The following KIFC3 variants were observed in gnomAD, a reference collection of about 807,000 sequenced individuals.
KIFC3 encodes the protein kinesin family member C3.
In KIFC3, 60 loss-of-function variants were observed where a neutral mutation model predicts 101.8. The observed-to-expected ratio is 0.59, with a 90% confidence interval of 0.48 to 0.73. KIFC3 has a LOEUF of 0.73. Ranked by LOEUF, KIFC3 falls within the 30% of genes least tolerant of loss-of-function variation. The probability of loss-of-function intolerance (pLI) is 0.00; values close to 1 mark genes in which losing one functional copy is unlikely to be tolerated. For synonymous variants in KIFC3, 476 were observed against 482.7 expected (o/e 0.99, Z 0.18); for missense variants, 966 against 1,137.1 (o/e 0.85, Z 2.16).
At chr16:57,795,776 G>A (rs1269181856) in intron 2 of KIFC3, among the ~76,000 whole-genome samples, 4 of 152,124 alleles carry the variant, frequency 2.6e-5, no homozygotes. Flanking sequence ...CGAGTCATGA[G>A]GCACACTGCA....
chr16:57,826,631 C>G (rs1248793228), intron 1 of KIFC3, among the ~76,000 whole-genome samples: 1 of 152,172 alleles, frequency 6.6e-6, no homozygotes, highest in Non-Finnish European at 1.5e-5. Flanking sequence ...GAGGGAGGCT[C>G]ATAGATGGCA....
intron 1 of KIFC3, among the ~76,000 whole-genome samples, chr16:57,859,282 C>G (rs2056243712): frequency 6.6e-6 from 1 of 152,178 alleles, no homozygotes; most frequent in Non-Finnish European, 1.5e-5. Context: ...GAGACACAAG[C>G]CTTTCCAGAA....
chr16:57,767,074 C>T (rs923622005), intron 9 of KIFC3, 89 bp from the exon 10 acceptor site: 4 of 997,682 alleles, frequency 4.0e-6, no homozygotes, highest in Non-Finnish European at 6.2e-6. Context: ...CTCACTGCCT[C>T]CTGCCCCTGG....
chr16:57,769,675 T>C lies in KIFC3; in HGVS notation c.1138A>G (p.Asn380Asp), dbSNP rs1289415214. ...TGCCGCTTGAGCCCATTGTAGTCGTTGGTGAGGGTCCGCAGTGCCGGCTGC... is the reference window on the plus strand; with the variant it reads ...TGCCGCTTGAGCCCATTGTAGTCGTCGGTGAGGGTCCGCAGTGCCGGCTGC... ...TLQPALRTLTNDYNGLKRQVR... is the reference protein window; with the variant it reads ...TLQPALRTLTDDYNGLKRQVR... Residue 380 changes from asparagine (N) to aspartate (D), a missense_variant, in exon 9 of 20, where the codon AAC (asparagine) becomes GAC (aspartate). Coordinates refer to ENST00000445690, the MANE Select transcript of KIFC3 (RefSeq NM_001130100.2). The surrounding 1 kb of genome is among the most constrained non-coding windows in gnomAD (Gnocchi z 4.3). The C allele has an allele frequency of 1.2e-6, 2 of 1,612,314 alleles. No homozygotes were observed. The highest frequency in any genetic ancestry group is 1.7e-6 in the Non-Finnish European group (2 of 1,179,982).
chr16:57,821,402 A>G (rs1598206437), intron 1 of KIFC3, among the ~76,000 whole-genome samples: 2 of 152,100 alleles, frequency 1.3e-5, no homozygotes, highest in Non-Finnish European at 2.9e-5. Flanking sequence ...AAACCAGGTA[A>G]CTCTCTGCTG....
chr16:57,827,474 G>A (rs2055482943), intron 1 of KIFC3, among the ~76,000 whole-genome samples: 1 of 152,218 alleles, frequency 6.6e-6, no homozygotes, highest in South Asian at 2.1e-4. Flanking sequence ...CCCATGCCTG[G>A]CACAGAGGAG....
chr16:57,837,554 G>GAAGAAAAAGAAAGAAAGAAAGA (rs2055717722), intron 1 of KIFC3, among the ~76,000 whole-genome samples: 5 of 99,916 alleles, frequency 5.0e-5, no homozygotes, highest in African/African-American at 1.7e-4. Flanking sequence ...AGGAAGGAAG[G>GAAGAAAAAGAAAGAAAGAAAGA]AAGAAAGAAA....
In KIFC3 at chr16:57,758,889, C is replaced by T; in HGVS notation, c.*45G>A. On this transcript the variant is annotated 3_prime_UTR_variant, in exon 20 of 20. Coordinates refer to ENST00000445690, the MANE Select transcript of KIFC3 (RefSeq NM_001130100.2). The stretch of plus-strand genomic sequence containing the variant: ...GCCCAGCGGGGTCACATCCGTCACA[C>T]AGGCAGTGGCCGCGACTTCCCTGCA... The T allele has an allele frequency of 6.3e-7, 1 of 1,590,722 alleles. No homozygotes were observed. Among genetic ancestry groups the T allele is most frequent in the Non-Finnish European group, 8.6e-7 (1 of 1,167,756 alleles).
intron 2 of KIFC3, among the ~76,000 whole-genome samples, chr16:57,796,290 G>A (rs1363873143): frequency 2.6e-5 from 4 of 152,194 alleles, no homozygotes; most frequent in African/African-American, 9.7e-5. Context: ...TACACGTGGT[G>A]CCCATGTAGT....
At chr16:57,818,496 C>T (rs115903935) in intron 1 of KIFC3, among the ~76,000 whole-genome samples, 2 of 152,098 alleles carry the variant, frequency 1.3e-5, no homozygotes, top group African/African-American at 2.4e-5. Flanking sequence ...TCTCCAATAG[C>T]GGGGATTATA....
In KIFC3 at chr16:57,842,389, A is replaced by T. The variant is rs117149374; in HGVS notation, c.108+20340T>A. Reference sequence around the variant, plus strand: ...TCACTGCATATTTATGGAGTGAAGAAATCAATCCATCAAGTAGAACTGGGT... The same window carrying T: ...TCACTGCATATTTATGGAGTGAAGATATCAATCCATCAAGTAGAACTGGGT... On this transcript the variant is annotated intron_variant, in intron 1 of 2. Coordinates refer to the KIFC3 transcript ENST00000563028. Among the ~76,000 whole-genome samples, 1,458 of 152,204 alleles carry T rather than the reference A, an allele frequency of 9.6e-3. 8 individuals are homozygous for T. The highest frequency in any genetic ancestry group is 0.014 in the Middle Eastern group (4 of 294).
chr16:57,814,035 C>A, intron 1 of KIFC3: 1 of 183,236 alleles, frequency 5.5e-6, no homozygotes, highest in Non-Finnish European at 1.0e-5. Flanking sequence ...CACTGCACCA[C>A]ACTGCCTCTC....
At chr16:57,778,062 C>T (rs911304264) in intron 3 of KIFC3, among the ~76,000 whole-genome samples, 2 of 152,140 alleles carry the variant, frequency 1.3e-5, no homozygotes, top group South Asian at 2.1e-4. Context: ...GAGGAGTGCT[C>T]GAGCCCAGGA....
chr16:57,794,464 G>A (rs894110479), intron 3 of KIFC3, among the ~76,000 whole-genome samples: 2 of 152,100 alleles, frequency 1.3e-5, no homozygotes, highest in Admixed American at 6.5e-5. Flanking sequence ...GGGCTCAAGC[G>A]ATCCTCCTAT....
At chr16:57,797,918 G>A (rs1416442024) in intron 2 of KIFC3, 154 bp downstream of exon 2, 4 of 1,502,750 alleles carry the variant, frequency 2.7e-6, no homozygotes, top group South Asian at 2.6e-5. Context: ...CTGACGCTCC[G>A]GCTCCACGCC....
At chr16:57,808,146 A>G (rs1462757899), upstream of KIFC3, among the ~76,000 whole-genome samples, 1 of 152,130 alleles carries the variant, frequency 6.6e-6, no homozygotes, top group East Asian at 1.9e-4. Context: ...CTAGCACTCC[A>G]AGGCTAAAAG....
intron 3 of KIFC3, among the ~76,000 whole-genome samples, chr16:57,794,195 G>C (rs76214653): frequency 0.024 from 3,570 of 151,824 alleles, 47 homozygotes; most frequent in Middle Eastern, 0.038. Flanking sequence ...TATTTCTATA[G>C]CCAAATATAC....
chr16:57,797,113 G>A (rs1281986729), intron 2 of KIFC3, among the ~76,000 whole-genome samples: 1 of 152,244 alleles, frequency 6.6e-6, no homozygotes, highest in Non-Finnish European at 1.5e-5. Flanking sequence ...GCCACTGACA[G>A]CACAAATGTG....
chr16:57,788,622 G>A (rs1270246493), intron 3 of KIFC3: 1 of 1,289,358 alleles, frequency 7.8e-7, no homozygotes, highest in African/African-American at 1.5e-5. Flanking sequence ...GGCCTCCCGG[G>A]CCCGCCTGGG....
Sources: allele counts gnomAD v4.1 joint callset (sites outside exome capture counted in the v4.1 genomes callset), GRCh38; gene constraint gnomAD v4.1.1; non-coding constraint Gnocchi (gnomAD v3.1); transcripts MANE v1.5; gene names NCBI Gene and HGNC (gene_info 2026-07-23, HGNC 2026-07-21).